PLCD1: variants seen among roughly 807,000 people sequenced by gnomAD.
PLCD1 encodes phospholipase C delta 1.
A neutral mutation model predicts 87.4 loss-of-function variants in PLCD1; 71 were observed. That is an observed-to-expected ratio of 0.81 (90% CI 0.67 to 0.99). The LOEUF (loss-of-function observed/expected upper bound fraction) is 0.99. Ranked by LOEUF, PLCD1 falls within the 50% of genes least tolerant of loss-of-function variation. The probability of loss-of-function intolerance (pLI) is 0.00; values close to 1 mark genes in which losing one functional copy is unlikely to be tolerated. For missense variants in PLCD1, 867 were observed against 1,001.5 expected (o/e 0.87, Z 1.81); for synonymous variants, 348 against 399.2 (o/e 0.87, Z 1.53).
Position 38,009,645 on chromosome 3 carries a change from C to A in PLCD1, c.1446+8G>T, listed in dbSNP as rs755778844. On this transcript the variant is annotated splice_region_variant and intron_variant, in intron 9 of 14. Coordinates refer to ENST00000334661, the MANE Select transcript of PLCD1 (RefSeq NM_006225.4). ...CGGGCTGCCCCACCCCACAGCTCCC[C>A]CTCAAACCTTGGGCTTGTGCTGCAC... The A allele has an allele frequency of 3.1e-6, 5 of 1,613,936 alleles. No homozygotes were observed. In the East Asian group the frequency reaches 1.1e-4, roughly 36 times the overall value.
intron 3 of PLCD1, among the ~76,000 whole-genome samples, chr3:38,012,150 T>C (rs1700090023): frequency 6.7e-6 from 1 of 148,748 alleles, no homozygotes; most frequent in South Asian, 2.1e-4. Flanking sequence ...ACTACAGGTG[T>C]GCACCGCACC....
intron 1 of PLCD1, among the ~76,000 whole-genome samples, chr3:38,021,146 T>C (rs945404257): frequency 5.3e-5 from 8 of 151,716 alleles, no homozygotes; most frequent in Non-Finnish European, 4.4e-5. Flanking sequence ...ACCCTTGCTG[T>C]CCCCCCCACC....
Position 38,018,779 on chromosome 3 carries a change from C to T in PLCD1, c.199+1409G>A, listed in dbSNP as rs2125548843. 2.6e-5 allele frequency among the ~76,000 whole-genome samples: 4 copies of T among 152,306 alleles called. No homozygotes were observed. Among genetic ancestry groups the T allele is most frequent in the East Asian group, 3.9e-4 (2 of 5,180 alleles). ...CCATGAAGGAGCCTGTCTGGCGCCA[C>T]AGAGAAAAGGTCAGGCGGTCACTCC... On this transcript the variant is annotated intron_variant, in intron 2 of 14. Transcript: ENST00000334661. This position sits in a 1 kb window ranked among gnomAD's most constrained non-coding sequence, Gnocchi z 5.7.
Position 38,020,369 on chromosome 3 carries a change from G to C in PLCD1, c.35-17C>G, listed in dbSNP as rs779032227. On this transcript the variant is annotated splice_polypyrimidine_tract_variant and intron_variant, in intron 1 of 14. Coordinates refer to ENST00000334661, the MANE Select transcript of PLCD1 (RefSeq NM_006225.4). ...CCTGTAGGCCTGGGGATCAAAGCCA[G>C]TAAGATGCCACCTTCTCCACTAGTT... 5 of 1,613,088 alleles carry C rather than the reference G, an allele frequency of 3.1e-6. No homozygotes were observed. In the South Asian group the frequency reaches 5.5e-5, roughly 18 times the overall value.
rs1433031626 is a variant in PLCD1, at chr3:38,009,952, C to A, written c.1239G>T (p.Leu413=). ...RHLHAILGPM[L]LNRPLDGVTN... ...TGACCCCATCCAGTGGTCGGTTCAA[C>A]AGCATGGGGCCCAGGATGGCATGCA... The change falls in exon 8 of 15, where the codon CTG becomes CTT. Residue 413 remains leucine, a synonymous_variant. Coordinates refer to ENST00000334661, the MANE Select transcript of PLCD1 (RefSeq NM_006225.4). The A allele has an allele frequency of 2.5e-6, 4 of 1,613,598 alleles. No individual in the cohort carries two copies. Among genetic ancestry groups the A allele is most frequent in the Non-Finnish European group, 3.4e-6 (4 of 1,179,668 alleles).
chr3:38,024,179 A>G (rs1191327397), intron 1 of PLCD1: 3 of 659,482 alleles, frequency 4.5e-6, no homozygotes, highest in Non-Finnish European at 8.0e-6. Context: ...CACTGCAAAC[A>G]CTGCCCCACA....
rs750422489 is a variant in PLCD1, at chr3:38,007,565, GTTAT to G, written c.*204_*207del. On this transcript the variant is annotated 3_prime_UTR_variant, in exon 15 of 15. Transcript: ENST00000334661. ...GCCGGAGGGTGGAGAGGGCTGCAGTGTTATTCCTAACGGAATGAAGGACAGCTCC... is the reference window on the plus strand; with the variant it reads ...GCCGGAGGGTGGAGAGGGCTGCAGTGTCCTAACGGAATGAAGGACAGCTCC... 76 of 697,490 alleles carry G rather than the reference GTTAT, an allele frequency of 1.1e-4. No individual in the cohort carries two copies. The highest frequency in any genetic ancestry group is 1.9e-4 in the Non-Finnish European group (72 of 382,770). The allele number at this position is 697,490 out of a possible 1,614,324, so 43.2% of individuals were successfully genotyped here.
chr3:38,010,326 C>A, intron 6 of PLCD1, 35 bp downstream of exon 6: 1 of 1,614,166 alleles, frequency 6.2e-7, no homozygotes, highest in African/African-American at 1.3e-5. Context: ...CCGGGTCCCA[C>A]CCAGACTCCC....
intron 1 of PLCD1, chr3:38,024,529 G>A: frequency 6.6e-7 from 1 of 1,518,362 alleles, no homozygotes; most frequent in Non-Finnish European, 8.8e-7. Flanking sequence ...CTGGTCCGGG[G>A]GGCGGAACTG....
rs1029182517 is a variant in PLCD1, at chr3:38,011,314, C to G, written c.690G>C (p.Val230=). Residue 230 remains valine (V), a synonymous_variant, in exon 5 of 15, where the codon GTG becomes GTC. Transcript: ENST00000334661. ...EAAGSGETLS[V]DQLVTFLQHQ... ...GCTGCAGGAACGTCACTAACTGATC[C>G]ACCGACAGAGTCTCCCCTGAGCCCG... is the stretch of plus-strand genomic sequence containing the variant. 12 of 1,612,218 alleles carry G rather than the reference C, an allele frequency of 7.4e-6. No homozygotes were observed. The highest frequency in any genetic ancestry group is 1.0e-5 in the Non-Finnish European group (12 of 1,180,036).
chr3:38,029,615 G>A lies in PLCD1; in HGVS notation c.-76C>T. On this transcript the variant is annotated 5_prime_UTR_variant, in exon 1 of 15. Transcript: ENST00000334661. Reference sequence around the variant, plus strand: ...CGACAGCACCGGCGGCCTGGGGTCCGAGCGGAGTGCGGTGCAGGGACCTGA... The same window carrying A: ...CGACAGCACCGGCGGCCTGGGGTCCAAGCGGAGTGCGGTGCAGGGACCTGA... 1.4e-6 allele frequency: 2 copies of A among 1,409,446 alleles called. No individual in the cohort carries two copies. The highest frequency in any genetic ancestry group is 1.9e-6 in the Non-Finnish European group (2 of 1,034,962). 87.3% of individuals were successfully genotyped at this position (1,409,446 alleles called of 1,614,324 possible).
intron 3 of PLCD1, among the ~76,000 whole-genome samples, chr3:38,012,578 G>A (rs1037004008): frequency 6.7e-5 from 10 of 148,320 alleles, no homozygotes; most frequent in Admixed American, 2.7e-4. Flanking sequence ...GTACACTGGC[G>A]CGATCTCGGC....
At chr3:38,027,180 G>A (rs544338161) in intron 1 of PLCD1, among the ~76,000 whole-genome samples, 1 of 152,200 alleles carries the variant, frequency 6.6e-6, no homozygotes, top group Non-Finnish European at 1.5e-5. Context: ...GAAAGAGCTG[G>A]CTGGCTCGCT....
At chr3:38,026,843 A>C (rs1231860931) in intron 1 of PLCD1, among the ~76,000 whole-genome samples, 1 of 152,250 alleles carries the variant, frequency 6.6e-6, no homozygotes, top group Non-Finnish European at 1.5e-5. Context: ...CCCATGGATG[A>C]TTCTCAGACC....
At chr3:38,020,446 A>G in intron 1 of PLCD1, 94 bp from the exon 2 acceptor site, 1 of 1,222,018 alleles carries the variant, frequency 8.2e-7, no homozygotes, top group Non-Finnish European at 1.2e-6. Context: ...ACCCTCTCAG[A>G]GCCCACTTTT....
chr3:38,026,809 C>A (rs964247248), intron 1 of PLCD1, among the ~76,000 whole-genome samples: 5 of 152,222 alleles, frequency 3.3e-5, no homozygotes, highest in African/African-American at 1.2e-4. Context: ...TTCACAACAC[C>A]CACTGTGAAA....
chr3:38,016,976 A>G lies in PLCD1; in HGVS notation c.200-257T>C, dbSNP rs72864002. ...CAGTCATTGCAGGCACAGTGGAGAC[A>G]CACAGGGAGAGACAGAGAGTGAGAG... On this transcript the variant is annotated intron_variant, in intron 2 of 14. Transcript: ENST00000334661. Among the ~76,000 whole-genome samples the G allele has an allele frequency of 0.057, 8,601 of 152,192 alleles. 426 individuals carry two copies. The highest frequency in any genetic ancestry group is 0.13 in the African/African-American group (5,407 of 41,478).
chr3:38,015,731 A>C (rs1216326379), intron 3 of PLCD1, among the ~76,000 whole-genome samples: 1 of 152,168 alleles, frequency 6.6e-6, no homozygotes, highest in Non-Finnish European at 1.5e-5. Context: ...ATTTGTTTTG[A>C]GCTCACAGGC....
chr3:38,016,583 G>A lies in PLCD1; in HGVS notation c.336C>T (p.Ala112=). 1 of 1,613,982 alleles carries A rather than the reference G, an allele frequency of 6.2e-7. No individual in the cohort carries two copies. Among genetic ancestry groups the A allele is most frequent in the Non-Finnish European group, 8.5e-7 (1 of 1,179,864 alleles). The part of the protein sequence containing the change: ...KDQRNTLDLI[A]PSPADAQHWV... ...AGTGCTGGGCATCAGCTGGCGATGG[G>A]GCGATGAGGTCTAGTGTATTGCGCT... is the stretch of plus-strand genomic sequence containing the variant. Residue 112 remains alanine, a synonymous_variant, in exon 3 of 15, where the codon GCC becomes GCT. Coordinates refer to ENST00000334661, the MANE Select transcript of PLCD1 (RefSeq NM_006225.4).
Sources: allele counts gnomAD v4.1 joint callset (sites outside exome capture counted in the v4.1 genomes callset), GRCh38; gene constraint gnomAD v4.1.1; non-coding constraint Gnocchi (gnomAD v3.1); transcripts MANE v1.5; gene names NCBI Gene and HGNC (gene_info 2026-07-23, HGNC 2026-07-21).